The following PHKB variants were observed in gnomAD, a reference collection of about 807,000 sequenced individuals.
PHKB encodes the protein phosphorylase kinase regulatory subunit beta.
A neutral mutation model predicts 152.1 loss-of-function variants in PHKB; 122 were observed. The ratio of observed to expected loss-of-function variants is 0.80; its 90% CI spans 0.69 to 0.93. The LOEUF (loss-of-function observed/expected upper bound fraction) is 0.93, where lower values mean the gene tolerates loss of function less well. PHKB is among the 40% of genes least tolerant of loss of function. PHKB has a pLI of 0.00. For synonymous variants in PHKB, 436 were observed against 464.9 expected, an observed-to-expected ratio of 0.94 and a Z score of 0.80; for missense variants, 1,304 against 1,328.4, an observed-to-expected ratio of 0.98 and a Z score of 0.29.
chr16:47,510,537 TAG>T (rs1266081585), intron 4 of PHKB, among the ~76,000 whole-genome samples: 1 of 152,118 alleles, frequency 6.6e-6, no homozygotes, highest in African/African-American at 2.4e-5. Context: ...TGCCCAGAAC[TAG>T]GAAGGTAGAC....
At chr16:47,696,619 C>T (rs1405364895) in intron 29 of PHKB, 131 bp downstream of exon 29, 3 of 706,404 alleles carry the variant, frequency 4.2e-6, no homozygotes, top group African/African-American at 1.8e-5. Flanking sequence ...CTGTGAGACC[C>T]AGAACCCTAT....
intron 6 of PHKB, among the ~76,000 whole-genome samples, chr16:47,545,271 C>T (rs1971139492): frequency 6.6e-6 from 1 of 152,104 alleles, no homozygotes; most frequent in South Asian, 2.1e-4. Context: ...TTCAGGAGCT[C>T]TTGTAAGGCA....
intron 1 of PHKB, among the ~76,000 whole-genome samples, chr16:47,483,710 G>T (rs1390923111): frequency 6.6e-6 from 1 of 152,128 alleles, no homozygotes; most frequent in Non-Finnish European, 1.5e-5. Context: ...CAATAGAAGA[G>T]AACAATGAAT....
intron 12 of PHKB, 72 bp downstream of exon 12, chr16:47,594,286 T>A: frequency 2.5e-6 from 2 of 789,716 alleles, no homozygotes; most frequent in East Asian, 2.5e-5. Context: ...TATAAGTGAG[T>A]CCTTTGTAAA....
intron 1 of PHKB, among the ~76,000 whole-genome samples, chr16:47,465,718 C>G (rs911258735): frequency 6.6e-6 from 1 of 152,092 alleles, no homozygotes; most frequent in Non-Finnish European, 1.5e-5. Flanking sequence ...TGTGGCCTGT[C>G]GTGTTTGCAT....
rs527707050 is a variant in PHKB, at chr16:47,547,666, T to C, written c.710+118T>C. On this transcript the variant is annotated intron_variant, in intron 7 of 30. Transcript: ENST00000323584. Reference sequence around the variant, plus strand: ...TCATATGTTAATTTGTAGCAATTTTTTTCTACCTATGATGCAGATGGAAGT... The same window carrying C: ...TCATATGTTAATTTGTAGCAATTTTCTTCTACCTATGATGCAGATGGAAGT... 100 of 690,494 alleles carry C rather than the reference T, an allele frequency of 1.4e-4. 1 individual carries two copies. Among genetic ancestry groups the C allele is most frequent in the Non-Finnish European group, 2.5e-4 (97 of 392,980 alleles). 42.8% of individuals were successfully genotyped at this position (690,494 alleles called of 1,614,324 possible). A position where few individuals can be genotyped will look rare whatever the true frequency, so the allele number is the denominator to read the frequency against.
At position 47,582,978 on chromosome 16, in the gene PHKB, A is replaced by G. The variant is rs369606824; in HGVS notation, c.774+2620A>G. Among the ~76,000 whole-genome samples, 150 of 152,082 alleles carry G rather than the reference A, an allele frequency of 9.9e-4. 2 individuals are homozygous for G. The South Asian group carries it at 0.03, about 31-fold the overall frequency. On this transcript the variant is annotated intron_variant, in intron 8 of 30. Coordinates refer to ENST00000323584, the MANE Select transcript of PHKB (RefSeq NM_000293.3). ...CACCCGACTAATTTTTGGATTTTTA[A>G]TAGAGGTGGGGTTTCACCACGTTGG...
chr16:47,528,601 A>T (rs1246085448), intron 6 of PHKB, among the ~76,000 whole-genome samples: 1 of 152,076 alleles, frequency 6.6e-6, no homozygotes, highest in Non-Finnish European at 1.5e-5. Context: ...TGAGAATGTA[A>T]ATGAGTCATG....
chr16:47,491,014 T>G (rs1214187838), intron 1 of PHKB, among the ~76,000 whole-genome samples: 2 of 152,238 alleles, frequency 1.3e-5, no homozygotes, highest in Non-Finnish European at 2.9e-5. Flanking sequence ...AATCTTTCAT[T>G]AAAAACACAT....
chr16:47,465,704 T>C (rs1359231007), intron 1 of PHKB, among the ~76,000 whole-genome samples: 1 of 152,236 alleles, frequency 6.6e-6, no homozygotes, highest in Non-Finnish European at 1.5e-5. Flanking sequence ...CATTGTGTTT[T>C]GAATGTGGCC....
intron 10 of PHKB, among the ~76,000 whole-genome samples, chr16:47,592,289 C>T (rs182421823): frequency 4.6e-5 from 7 of 152,312 alleles, no homozygotes; most frequent in Non-Finnish European, 1.0e-4. Context: ...TGAGTATTCA[C>T]CTGTGGTTCT....
chr16:47,557,256 G>A (rs546664499), intron 7 of PHKB, among the ~76,000 whole-genome samples: 8 of 151,716 alleles, frequency 5.3e-5, no homozygotes, highest in Non-Finnish European at 8.8e-5. Flanking sequence ...AGACTTACAC[G>A]TTAGACCTAA....
intron 27 of PHKB, among the ~76,000 whole-genome samples, chr16:47,691,588 C>T (rs1974061060): frequency 6.6e-6 from 1 of 151,974 alleles, no homozygotes; most frequent in Admixed American, 6.6e-5. Flanking sequence ...GCCTGTAGTT[C>T]CAGCTACTCA....
chr16:47,601,636 C>T (rs1394011680), intron 13 of PHKB, among the ~76,000 whole-genome samples: 9 of 151,136 alleles, frequency 6.0e-5, no homozygotes, highest in East Asian at 2.0e-4. Flanking sequence ...ACCTGGGAGG[C>T]GGAGGTTGCA....
intron 4 of PHKB, among the ~76,000 whole-genome samples, chr16:47,510,221 G>A (rs942972429): frequency 6.6e-6 from 1 of 152,110 alleles, no homozygotes; most frequent in Non-Finnish European, 1.5e-5. Context: ...GGGTTTTATA[G>A]CAACCGTGTT....
At chr16:47,686,899 T>C (rs1053347017) in intron 26 of PHKB, among the ~76,000 whole-genome samples, 1 of 152,232 alleles carries the variant, frequency 6.6e-6, no homozygotes, top group Non-Finnish European at 1.5e-5. Context: ...GTAATTTTTT[T>C]AAATATCACC....
chr16:47,630,246 C>T (rs187875324), intron 14 of PHKB, among the ~76,000 whole-genome samples: 1 of 152,132 alleles, frequency 6.6e-6, no homozygotes, highest in East Asian at 1.9e-4. Flanking sequence ...CTTTGGGAGG[C>T]CGAGGTGGGC....
chr16:47,565,566 T>A, intron 7 of PHKB: 1 of 1,099,148 alleles, frequency 9.1e-7, no homozygotes, highest in Non-Finnish European at 1.4e-6. Context: ...CCTTATTGAG[T>A]GTTTCATTTT....
intron 1 of PHKB, among the ~76,000 whole-genome samples, chr16:47,479,411 T>C (rs1313239750): frequency 3.9e-5 from 6 of 152,134 alleles, no homozygotes; most frequent in Non-Finnish European, 8.8e-5. Flanking sequence ...ATCTCTGGCA[T>C]CTTCAACATC....
Sources: allele counts gnomAD v4.1 joint callset (sites outside exome capture counted in the v4.1 genomes callset), GRCh38; gene constraint gnomAD v4.1.1; transcripts MANE v1.5; gene names NCBI Gene and HGNC (gene_info 2026-07-23, HGNC 2026-07-21).